ERG: variants seen among roughly 807,000 people sequenced by gnomAD.
ERG encodes the protein transcriptional regulator ERG.
A neutral mutation model predicts 55.3 loss-of-function variants in ERG; 9 were observed. That is an observed-to-expected ratio of 0.16 (90% CI 0.10 to 0.28). The LOEUF is 0.28. Among genes scored for constraint, ERG ranks in the 10% least tolerant of loss-of-function variants. The pLI is 1.00. For synonymous variants in ERG, 223 were observed against 237.3 expected (o/e 0.94, Z 0.55); for missense variants, 434 against 631.6 (o/e 0.69, Z 3.35).
At position 38,508,019 on chromosome 21, in the gene ERG, A is replaced by AC. The variant is rs1568866525; in HGVS notation, c.-41+67642_-41+67643insG. ...CACATGCACACACACAGAGACACAC[A>AC]AACACACATGCACACAAAGACAGAC... On this transcript the variant is annotated intron_variant, in intron 2 of 8. Transcript: ENST00000398897. 1.8e-4 allele frequency among the ~76,000 whole-genome samples: 28 copies of AC among 151,412 alleles called. 5 individuals are homozygous for AC. Among genetic ancestry groups the AC allele is most frequent in the Middle Eastern group, 3.4e-3 (1 of 290 alleles).
At chr21:38,581,653 T>C (rs1311772077) in intron 1 of ERG, among the ~76,000 whole-genome samples, 1 of 152,148 alleles carries the variant, frequency 6.6e-6, no homozygotes, top group South Asian at 2.1e-4. Context: ...ATCCTGCCTA[T>C]GTAACAAAAT....
chr21:38,658,505 T>C (rs73446348), intron 1 of ERG, among the ~76,000 whole-genome samples: 15,133 of 152,208 alleles, frequency 0.099, 1,960 homozygotes, highest in African/African-American at 0.3. Flanking sequence ...AGCTCTTCTG[T>C]TTTGAGAAGA....
At position 38,382,894 on chromosome 21, in the gene ERG, CA is replaced by C. The variant is rs1345798705; in HGVS notation, c.*508del. 1.9e-6 allele frequency: 2 copies of C among 1,066,596 alleles called. No homozygotes were observed. Among genetic ancestry groups the C allele is most frequent in the Non-Finnish European group, 2.3e-6 (2 of 879,800 alleles). 66.1% of individuals were successfully genotyped at this position (1,066,596 alleles called of 1,614,324 possible). A position where few individuals can be genotyped will look rare whatever the true frequency, so the allele number is the denominator to read the frequency against. ...CAGCACATGCCATGCAGTTGCATAT[CA>C]ACGTCTGTTGATGGGCCACAGTCTC... On this transcript the variant is annotated 3_prime_UTR_variant, in exon 10 of 10. Transcript: ENST00000288319.
intron 9 of ERG, among the ~76,000 whole-genome samples, chr21:38,388,640 T>C (rs1987821475): frequency 6.6e-6 from 1 of 152,140 alleles, no homozygotes; most frequent in Non-Finnish European, 1.5e-5. Flanking sequence ...AAAGTCAAAT[T>C]CATCAGAAAC....
chr21:38,370,724 A>G, the ERG span, among the ~76,000 whole-genome samples: 33 of 152,032 alleles, frequency 2.2e-4, no homozygotes, highest in African/African-American at 8.0e-4. Context: ...GATTATATCA[A>G]GTATGCATAT....
chr21:38,481,367 A>T lies in ERG; in HGVS notation c.18+16996T>A, dbSNP rs560840198. Among the ~76,000 whole-genome samples, 5 of 152,362 alleles carry T rather than the reference A, an allele frequency of 3.3e-5. No homozygotes were observed. The South Asian group carries it at 1.0e-3, about 32-fold the overall frequency. On this transcript the variant is annotated intron_variant, in intron 1 of 9. Transcript: ENST00000288319. ...TGCGGACGCTGTGGAAACAATGGTG[A>T]TATGAATTCTTAAATGATTAAAGAA...
chr21:38,654,401 G>A (rs957612878), intron 1 of ERG, among the ~76,000 whole-genome samples: 2 of 152,232 alleles, frequency 1.3e-5, no homozygotes, highest in African/African-American at 4.8e-5. Context: ...GCACCCAGGC[G>A]GTGGAGGCTG....
At chr21:38,602,995 G>C (rs2146913651) in intron 1 of ERG, among the ~76,000 whole-genome samples, 1 of 152,050 alleles carries the variant, frequency 6.6e-6, no homozygotes, top group Middle Eastern at 3.4e-3. Flanking sequence ...AAATCTGCCA[G>C]AAAGGCAGGG....
At chr21:38,523,195 G>T (rs1424910198) in intron 2 of ERG, among the ~76,000 whole-genome samples, 1 of 152,122 alleles carries the variant, frequency 6.6e-6, no homozygotes, top group Admixed American at 6.6e-5. Context: ...AGCAAAAAGG[G>T]CACACTAAAA....
intron 1 of ERG, among the ~76,000 whole-genome samples, chr21:38,488,979 C>G (rs188190520): frequency 6.6e-6 from 1 of 152,320 alleles, no homozygotes; most frequent in African/African-American, 2.4e-5. Flanking sequence ...TCTGGAGCAA[C>G]AAGCTTATTC....
intron 1 of ERG, among the ~76,000 whole-genome samples, chr21:38,492,149 G>A (rs1236657465): frequency 2.6e-5 from 4 of 152,200 alleles, no homozygotes; most frequent in Admixed American, 6.5e-5. Context: ...AGAGAAGGGA[G>A]ACAGATTTGT....
chr21:38,613,599 CTG>C (rs1272138833), intron 1 of ERG, among the ~76,000 whole-genome samples: 1 of 152,226 alleles, frequency 6.6e-6, no homozygotes, highest in Admixed American at 6.5e-5. Context: ...TCGCCGCTCA[CTG>C]TGAAGGCAAG....
At chr21:38,649,690 G>C (rs543151873) in intron 1 of ERG, among the ~76,000 whole-genome samples, 2 of 152,324 alleles carry the variant, frequency 1.3e-5, no homozygotes, top group Non-Finnish European at 2.9e-5. Context: ...TGGACATGCA[G>C]GAGGCCTTGG....
chr21:38,576,869 C>CCT (rs2059997720), intron 1 of ERG, among the ~76,000 whole-genome samples: 1 of 152,118 alleles, frequency 6.6e-6, no homozygotes, highest in Non-Finnish European at 1.5e-5. Context: ...TCTAGGGGGA[C>CCT]CTCTCCCGTC....
At chr21:38,570,704 A>G (rs1245821980) in intron 2 of ERG, among the ~76,000 whole-genome samples, 1 of 152,252 alleles carries the variant, frequency 6.6e-6, no homozygotes, top group Non-Finnish European at 1.5e-5. Flanking sequence ...GTTAGTAAAC[A>G]TCAGAGCAGG....
At chr21:38,486,984 A>T (rs1163449723) in intron 1 of ERG, among the ~76,000 whole-genome samples, 1 of 152,200 alleles carries the variant, frequency 6.6e-6, no homozygotes, top group Non-Finnish European at 1.5e-5. Context: ...AGATGAGGAA[A>T]CGAGGCACAG....
intron 1 of ERG, among the ~76,000 whole-genome samples, chr21:38,594,119 G>A (rs746328419): frequency 2.0e-5 from 3 of 152,098 alleles, no homozygotes; most frequent in Non-Finnish European, 2.9e-5. Context: ...TATACCCATC[G>A]GCTTTGCCAA....
intron 2 of ERG, among the ~76,000 whole-genome samples, chr21:38,440,679 C>A (rs1251767737): frequency 6.6e-6 from 1 of 151,266 alleles, no homozygotes; most frequent in Non-Finnish European, 1.5e-5. Flanking sequence ...AAACTAGCCA[C>A]TCGGGAGGCT....
At chr21:38,413,842 T>C (rs987298418) in intron 3 of ERG, among the ~76,000 whole-genome samples, 2 of 152,192 alleles carry the variant, frequency 1.3e-5, no homozygotes, top group Non-Finnish European at 2.9e-5. Context: ...TTTCTTTGTC[T>C]TCTCTTTAAA....
Sources: allele counts gnomAD v4.1 joint callset (sites outside exome capture counted in the v4.1 genomes callset), GRCh38; gene constraint gnomAD v4.1.1; transcripts MANE v1.5; gene names NCBI Gene and HGNC (gene_info 2026-07-23, HGNC 2026-07-21).